The following GALNT1 variants were observed in gnomAD, a reference collection of about 807,000 sequenced individuals.
The protein encoded by GALNT1 is polypeptide N-acetylgalactosaminyltransferase 1.
A neutral mutation model predicts 65.7 loss-of-function variants in GALNT1; 17 were observed. The ratio of observed to expected loss-of-function variants is 0.26; its 90% CI spans 0.18 to 0.39. The LOEUF is 0.39. Among genes scored for constraint, GALNT1 ranks in the 10% least tolerant of loss-of-function variants. The probability of loss-of-function intolerance (pLI) is 1.00; values close to 1 mark genes in which losing one functional copy is unlikely to be tolerated. For missense variants in GALNT1, 460 were observed against 672.8 expected (o/e 0.68, Z 3.50); for synonymous variants, 210 against 219.7 (o/e 0.96, Z 0.39).
At chr18:35,690,116 A>AT (rs1387427406) in intron 7 of GALNT1, among the ~76,000 whole-genome samples, 1 of 152,230 alleles carries the variant, frequency 6.6e-6, no homozygotes, top group Non-Finnish European at 1.5e-5. Flanking sequence ...GAGTTATGAG[A>AT]TTTTTAACTT....
chr18:35,690,748 G>A (rs568384866), intron 7 of GALNT1, among the ~76,000 whole-genome samples: 10 of 152,196 alleles, frequency 6.6e-5, no homozygotes, highest in South Asian at 4.1e-4. Context: ...CTGATTTTGC[G>A]AAATTCCAAC....
chr18:35,613,307 A>G (rs1432442635), intron 1 of GALNT1, among the ~76,000 whole-genome samples: 4 of 152,160 alleles, frequency 2.6e-5, no homozygotes, highest in African/African-American at 4.8e-5. Context: ...TACTCAGCAG[A>G]CTATTCAAAA....
At chr18:35,703,367 G>A (rs1463233883) in intron 10 of GALNT1, 142 bp from the exon 11 acceptor site, 9 of 811,806 alleles carry the variant, frequency 1.1e-5, no homozygotes, top group Non-Finnish European at 1.5e-5. Context: ...GCTTTTCTGA[G>A]TCACTTTATT....
intron 9 of GALNT1, among the ~76,000 whole-genome samples, chr18:35,694,217 A>G (rs528587926): frequency 6.6e-6 from 1 of 152,356 alleles, no homozygotes; most frequent in East Asian, 1.9e-4. Context: ...ATGAATGTGT[A>G]CAAGTCTTGC....
intron 2 of GALNT1, 133 bp from the exon 3 acceptor site, chr18:35,663,495 C>G: frequency 1.2e-6 from 1 of 857,500 alleles, no homozygotes; most frequent in Non-Finnish European, 1.8e-6. Flanking sequence ...GGGTTAACAG[C>G]CTAGGAGAGG....
chr18:35,587,920 A>T (rs1339746639), intron 1 of GALNT1, among the ~76,000 whole-genome samples: 3 of 152,072 alleles, frequency 2.0e-5, no homozygotes, highest in Non-Finnish European at 2.9e-5. Flanking sequence ...TATGTTGAAG[A>T]GGGCTGTTGA....
At chr18:35,603,548 C>T (rs2046608068) in intron 1 of GALNT1, among the ~76,000 whole-genome samples, 1 of 152,152 alleles carries the variant, frequency 6.6e-6, no homozygotes, top group African/African-American at 2.4e-5. Context: ...GTATTTGTGA[C>T]ACACACACGT....
intron 1 of GALNT1, among the ~76,000 whole-genome samples, chr18:35,586,949 A>G (rs994130654): frequency 6.6e-6 from 1 of 152,096 alleles, no homozygotes; most frequent in South Asian, 2.1e-4. Context: ...TGTATGTTGC[A>G]TTTTTCAATC....
chr18:35,617,666 G>A (rs569698176), intron 1 of GALNT1, among the ~76,000 whole-genome samples: 3 of 152,252 alleles, frequency 2.0e-5, no homozygotes, highest in Non-Finnish European at 4.4e-5. Context: ...ACATTCTTCA[G>A]TATAGATCCT....
intron 11 of GALNT1, among the ~76,000 whole-genome samples, chr18:35,704,077 T>C (rs988433657): frequency 6.6e-6 from 1 of 152,216 alleles, no homozygotes; most frequent in Non-Finnish European, 1.5e-5. Flanking sequence ...TCTTTCCTTT[T>C]GTCTGGAACC....
chr18:35,583,205 A>G (rs2046343378), intron 1 of GALNT1, among the ~76,000 whole-genome samples: 1 of 152,176 alleles, frequency 6.6e-6, no homozygotes. Flanking sequence ...TGGATGGTGT[A>G]CCAGCAGCAT....
chr18:35,632,616 A>T (rs1204138955), intron 1 of GALNT1, among the ~76,000 whole-genome samples: 1 of 152,200 alleles, frequency 6.6e-6, no homozygotes, highest in Non-Finnish European at 1.5e-5. Flanking sequence ...AACCAAGGCA[A>T]TACCATTCAG....
chr18:35,700,395 G>A (rs564536045), intron 9 of GALNT1, among the ~76,000 whole-genome samples: 2 of 152,190 alleles, frequency 1.3e-5, no homozygotes, highest in East Asian at 1.9e-4. Context: ...GCCTCCAGGC[G>A]CCACCAGGAG....
At position 35,663,630 on chromosome 18, in the gene GALNT1, C is replaced by A; in HGVS notation, c.142C>A (p.Leu48Ile). The A allele has an allele frequency of 6.2e-7, 1 of 1,607,624 alleles. No homozygotes were observed. Among genetic ancestry groups the A allele is most frequent in the South Asian group, 1.1e-5 (1 of 90,420 alleles). The change falls in exon 3 of 12, where the codon CTA becomes ATA. Residue 48 changes from leucine (L) to isoleucine (I), a missense_variant and splice_region_variant. Leu to Ile is a conservative substitution (Grantham distance 5, BLOSUM62 2). Coordinates refer to ENST00000269195, the MANE Select transcript of GALNT1 (RefSeq NM_020474.4). Reference sequence around the variant, plus strand: ...GTTAAGTTTCTTCCTATTCTTAGTTCTAGAGCCAGTACAAAAGCCTCATGA... The same window carrying A: ...GTTAAGTTTCTTCCTATTCTTAGTTATAGAGCCAGTACAAAAGCCTCATGA... ...KERGLPAGDVLEPVQKPHEGP... is the reference protein window; with the variant it reads ...KERGLPAGDVIEPVQKPHEGP...
intron 1 of GALNT1, among the ~76,000 whole-genome samples, chr18:35,616,532 C>G (rs1395366201): frequency 6.6e-6 from 1 of 152,096 alleles, no homozygotes; most frequent in Non-Finnish European, 1.5e-5. Context: ...TTTATCTGAC[C>G]TGCATTGCAT....
chr18:35,673,910 C>T (rs2047668945), intron 3 of GALNT1, among the ~76,000 whole-genome samples: 1 of 152,156 alleles, frequency 6.6e-6, no homozygotes, highest in African/African-American at 2.4e-5. Context: ...ATAGAGTGCA[C>T]TTACACAAAC....
intron 3 of GALNT1, among the ~76,000 whole-genome samples, chr18:35,667,027 T>G (rs1438894712): frequency 1.3e-5 from 2 of 152,146 alleles, no homozygotes; most frequent in Non-Finnish European, 2.9e-5. Context: ...TAATGAACCC[T>G]CTTGTATTTA....
intron 1 of GALNT1, among the ~76,000 whole-genome samples, chr18:35,642,398 T>A (rs2047176196): frequency 6.6e-6 from 1 of 152,202 alleles, no homozygotes; most frequent in Admixed American, 6.5e-5. Flanking sequence ...AACAGTCAAG[T>A]ATAAATAAGG....
At chr18:35,656,758 T>C (rs1285514057) in intron 2 of GALNT1, among the ~76,000 whole-genome samples, 1 of 152,140 alleles carries the variant, frequency 6.6e-6, no homozygotes, top group Non-Finnish European at 1.5e-5. Context: ...TCTGGAAGAA[T>C]GCTTTGGTGG....
Sources: allele counts gnomAD v4.1 joint callset (sites outside exome capture counted in the v4.1 genomes callset), GRCh38; gene constraint gnomAD v4.1.1; transcripts MANE v1.5; gene names NCBI Gene and HGNC (gene_info 2026-07-23, HGNC 2026-07-21).